Variants in LIMS2 observed in about 807,000 individuals in gnomAD.
The protein encoded by LIMS2 is LIM and senescent cell antigen-like-containing domain protein 2.
A neutral mutation model predicts 45.3 loss-of-function variants in LIMS2; 30 were observed. The observed-to-expected ratio is 0.66, with a 90% confidence interval of 0.50 to 0.90. The LOEUF is 0.90. Among genes scored for constraint, LIMS2 ranks in the 40% least tolerant of loss-of-function variants. The probability of loss-of-function intolerance (pLI) is 0.00; values close to 1 mark genes in which losing one functional copy is unlikely to be tolerated. For synonymous variants in LIMS2, 173 were observed against 188.0 expected (o/e 0.92, Z 0.65); for missense variants, 485 against 468.7 (o/e 1.03, Z -0.32).
intron 1 of LIMS2, among the ~76,000 whole-genome samples, chr2:127,669,748 G>A (rs999563575): frequency 6.6e-6 from 1 of 151,988 alleles, no homozygotes; most frequent in African/African-American, 2.4e-5. Flanking sequence ...TCATATGTCT[G>A]AGAAGTGTCT....
chr2:127,678,002 G>A (rs1685539344), upstream of LIMS2, among the ~76,000 whole-genome samples: 1 of 152,054 alleles, frequency 6.6e-6, no homozygotes, highest in Non-Finnish European at 1.5e-5. The surrounding 1 kb of genome is among the most constrained non-coding windows in gnomAD (Gnocchi z 5.3). Flanking sequence ...TGGAATATAT[G>A]GCCAGGATTT....
intron 1 of LIMS2, among the ~76,000 whole-genome samples, chr2:127,661,229 A>G (rs28489999): frequency 0.21 from 32,402 of 152,196 alleles, 4,063 homozygotes; most frequent in African/African-American, 0.35. Context: ...CTGGAGAGAG[A>G]TGCTCGCTTC....
At chr2:127,681,775 C>G (rs1685621387) in exon 1 of LIMS2, 1 of 152,044 alleles carries the variant, frequency 6.6e-6, no homozygotes, top group Admixed American at 6.6e-5. Flanking sequence ...TATCCACGGA[C>G]AGACTGCAAA....
intron 1 of LIMS2, chr2:127,674,070 GGC>G: frequency 5.9e-6 from 2 of 336,568 alleles, no homozygotes; most frequent in Non-Finnish European, 1.2e-5. Context: ...CAGCCTTAAT[GGC>G]GATCACAGAG....
chr2:127,654,502 T>G lies in LIMS2; in HGVS notation c.281A>C (p.Asn94Thr). 6.2e-7 allele frequency: 1 copy of G among 1,614,152 alleles called. No individual in the cohort carries two copies. Among genetic ancestry groups the G allele is most frequent in the Non-Finnish European group, 8.5e-7 (1 of 1,179,988 alleles). ...IGRVIKAMNN[N>T]WHPGCFRCEL... ...GCAGCGGAAGCAGCCCGGGTGCCAG[T>G]TGTTGTTCATGGCCTTGATGACGCG... The change falls in exon 4 of 10, where the codon AAC becomes ACC. Residue 94 changes from asparagine (N) to threonine (T), a missense_variant. By Grantham distance (65) the Asn-to-Thr change is moderately conservative. Coordinates refer to ENST00000355119, the MANE Select transcript of LIMS2 (RefSeq NM_001161403.3).
intron 6 of LIMS2, 82 bp from the exon 7 acceptor site, chr2:127,641,070 T>A: frequency 8.8e-7 from 1 of 1,130,032 alleles, no homozygotes; most frequent in Non-Finnish European, 1.3e-6. Flanking sequence ...GGGACAACAG[T>A]GACCCCAGGA....
chr2:127,651,202 G>GGGT, intron 4 of LIMS2: 1 of 1,610,526 alleles, frequency 6.2e-7, no homozygotes, highest in East Asian at 2.2e-5. Context: ...GCCTTCCTGT[G>GGGT]GGTGGTGGTG....
rs935104808 is a variant in LIMS2, at chr2:127,651,489, C to T, written c.359+2935G>A. Reference sequence around the variant, plus strand: ...CTTCCTGGTCTGCTTCGTGCCCTACCACGTCAACCGCTCCGTCTACGTGCT... The same window carrying T: ...CTTCCTGGTCTGCTTCGTGCCCTACTACGTCAACCGCTCCGTCTACGTGCT... On this transcript the variant is annotated intron_variant, in intron 4 of 9. Coordinates refer to ENST00000355119, the MANE Select transcript of LIMS2 (RefSeq NM_001161403.3). The T allele has an allele frequency of 6.2e-7, 1 of 1,612,794 alleles. No homozygotes were observed. Among genetic ancestry groups the T allele is most frequent in the African/African-American group, 1.3e-5 (1 of 75,080 alleles).
intron 2 of LIMS2, chr2:127,655,197 G>A: frequency 1.9e-6 from 1 of 516,562 alleles, no homozygotes; most frequent in Admixed American, 3.2e-5. Flanking sequence ...ACAGGCTGGG[G>A]GCGAGGCGGT....
chr2:127,674,872 C>G, intron 1 of LIMS2, 142 bp downstream of exon 1: 9 of 1,212,130 alleles, frequency 7.4e-6, no homozygotes, highest in Non-Finnish European at 8.2e-6. Context: ...GGCGCTGCCG[C>G]CCCGGCAGCT....
At chr2:127,660,384 C>A (rs539252417) in intron 1 of LIMS2, among the ~76,000 whole-genome samples, 1 of 152,180 alleles carries the variant, frequency 6.6e-6, no homozygotes, top group African/African-American at 2.4e-5. Flanking sequence ...TGCTGCTGCA[C>A]GTTCTTTGGG....
chr2:127,656,847 T>G (rs11679362), intron 2 of LIMS2, among the ~76,000 whole-genome samples: 72,340 of 152,040 alleles, frequency 0.48, 17,774 homozygotes, highest in South Asian at 0.63. Flanking sequence ...CCACCTCCCT[T>G]TCCTCAGCTC....
chr2:127,640,986 G>A lies in LIMS2; in HGVS notation c.663C>T (p.His221=), dbSNP rs1391729952. ...NALGKQWHVE[H]FVCAKCEKPF... ...GCTTCTCACACTTGGCACAGACAAA[G>A]TGCTGCAAGGACAAAGGGCGGGCCG... Residue 221 remains histidine (H), a splice_region_variant and synonymous_variant, in exon 7 of 10, where the codon CAC becomes CAT. Transcript: ENST00000355119. 1 of 1,613,752 alleles carries A rather than the reference G, an allele frequency of 6.2e-7. No homozygotes were observed. Among genetic ancestry groups the A allele is most frequent in the Admixed American group, 1.7e-5 (1 of 60,016 alleles).
chr2:127,666,013 CTGAT>C (rs1471700031), intron 1 of LIMS2, among the ~76,000 whole-genome samples: 3 of 152,306 alleles, frequency 2.0e-5, no homozygotes, highest in African/African-American at 7.2e-5. Context: ...GGCTTAGAGT[CTGAT>C]TGAGCCCAAA....
chr2:127,664,861 G>T lies in LIMS2; in HGVS notation c.12-7299C>A, dbSNP rs920510937. Among the ~76,000 whole-genome samples the T allele has an allele frequency of 6.6e-6, 1 of 152,186 alleles. No homozygotes were observed. Among genetic ancestry groups the T allele is most frequent in the Non-Finnish European group, 1.5e-5 (1 of 68,030 alleles). On this transcript the variant is annotated intron_variant, in intron 1 of 9. Coordinates refer to ENST00000355119, the MANE Select transcript of LIMS2 (RefSeq NM_001161403.3). The surrounding 1 kb of genome is among the most constrained non-coding windows in gnomAD (Gnocchi z 5.5). ...CCAACAGTTAGGAAACCGAGGACCGGAGCCACACAGGCCCACATTCTGCTT... is the reference window on the plus strand; with the variant it reads ...CCAACAGTTAGGAAACCGAGGACCGTAGCCACACAGGCCCACATTCTGCTT...
In LIMS2 at chr2:127,675,117, G is replaced by A. The variant is rs1685450592; in HGVS notation, c.-93C>T. The A allele has an allele frequency of 1.7e-6, 2 of 1,179,878 alleles. No individual in the cohort carries two copies. Among genetic ancestry groups the A allele is most frequent in the Admixed American group, 4.3e-5 (1 of 23,416 alleles). The allele number at this position is 1,179,878 out of a possible 1,614,324, so 73.1% of individuals were successfully genotyped here. ...CAGCCGAGCGCCCGCCCGCCAGCCCGGGCCGCGGAGCAGGGAGACGCCCAA... is the reference window on the plus strand; with the variant it reads ...CAGCCGAGCGCCCGCCCGCCAGCCCAGGCCGCGGAGCAGGGAGACGCCCAA... On this transcript the variant is annotated 5_prime_UTR_variant, in exon 1 of 10. Coordinates refer to ENST00000355119, the MANE Select transcript of LIMS2 (RefSeq NM_001161403.3).
rs144584729 is a variant in LIMS2 at position 127,642,176 on chromosome 2, C to T, written c.533G>A (p.Arg178His). The T allele has an allele frequency of 1.4e-4, 225 of 1,569,734 alleles. No homozygotes were observed. Among genetic ancestry groups the T allele is most frequent in the Non-Finnish European group, 1.8e-4 (206 of 1,153,154 alleles). ...HCGKELTAEARELKGELYCLP... is the reference protein window; with the variant it reads ...HCGKELTAEAHELKGELYCLP... Reference sequence around the variant, plus strand: ...GCAGTAGAGCTCACCCTTCAGCTCGCGGGCCTCGGCTGTCAGCTCCTTCCT... The same window carrying T: ...GCAGTAGAGCTCACCCTTCAGCTCGTGGGCCTCGGCTGTCAGCTCCTTCCT... Residue 178 changes from arginine to histidine, a missense_variant, in exon 6 of 10, where the codon CGC (arginine) becomes CAC (histidine). Physicochemically the swap from Arg to His is conservative, Grantham distance 29. Coordinates refer to ENST00000355119, the MANE Select transcript of LIMS2 (RefSeq NM_001161403.3). This position sits in a 1 kb window ranked among gnomAD's most constrained non-coding sequence, Gnocchi z 5.3.
At chr2:127,662,022 A>G (rs1268089268) in intron 1 of LIMS2, among the ~76,000 whole-genome samples, 1 of 152,188 alleles carries the variant, frequency 6.6e-6, no homozygotes, top group Non-Finnish European at 1.5e-5. Context: ...GTTGGGGGCC[A>G]GCCACAAGAA....
intron 1 of LIMS2, among the ~76,000 whole-genome samples, chr2:127,673,338 C>T (rs1055965105): frequency 3.3e-5 from 5 of 152,266 alleles, no homozygotes; most frequent in Admixed American, 6.5e-5. Context: ...TTCTCTAAGA[C>T]GAGTAGTATT....
Sources: gnomAD v4.1 joint callset for allele counts (sites outside exome capture counted in the v4.1 genomes callset) on GRCh38, gnomAD v4.1.1 for gene constraint, Gnocchi (gnomAD v3.1) non-coding constraint, MANE v1.5 for transcripts, NCBI Gene and HGNC (gene_info 2026-07-23, HGNC 2026-07-21) for gene names.